The following GNG2 variants were observed in gnomAD, a reference collection of about 807,000 sequenced individuals.
The protein encoded by GNG2 is G protein subunit gamma 2, also known as guanine nucleotide-binding protein G(I)/G(S)/G(O) subunit gamma-2.
In GNG2, 5 loss-of-function variants were observed where a neutral mutation model predicts 5.5. The observed-to-expected ratio is 0.91, with a 90% CI of 0.48 to 1.92. GNG2 has a LOEUF of 1.92. Ranked by LOEUF, GNG2 falls within the 30% of genes most tolerant of loss-of-function variation. The pLI is 0.01. For missense variants in GNG2, 55 were observed against 88.4 expected (o/e 0.62, Z 1.52); for synonymous variants, 28 against 32.0 (o/e 0.88, Z 0.42).
intron 3 of GNG2, among the ~76,000 whole-genome samples, chr14:51,953,944 A>G (rs1404984907): frequency 6.6e-6 from 1 of 152,202 alleles, no homozygotes; most frequent in Non-Finnish European, 1.5e-5. Context: ...GTCTGGCAGA[A>G]CCTACTGCAA....
intron 3 of GNG2, among the ~76,000 whole-genome samples, chr14:51,954,253 T>A (rs971651560): frequency 6.6e-6 from 1 of 152,198 alleles, no homozygotes; most frequent in Non-Finnish European, 1.5e-5. Flanking sequence ...TCTCAGCCTC[T>A]TTGTATTTCT....
At chr14:51,845,557 AT>A in intron 2 of GNG2, among the ~76,000 whole-genome samples, 1 of 152,316 alleles carries the variant, frequency 6.6e-6, no homozygotes, top group East Asian at 1.9e-4. Flanking sequence ...CTTGCCCAGC[AT>A]TTCTCAAAGT....
intron 2 of GNG2, among the ~76,000 whole-genome samples, chr14:51,838,085 T>G (rs764185734): frequency 1.1e-4 from 16 of 152,256 alleles, no homozygotes; most frequent in Non-Finnish European, 2.1e-4. Context: ...TTCCAAGTTT[T>G]GGATAATTGT....
chr14:51,946,268 T>C (rs959790241), intron 2 of GNG2, among the ~76,000 whole-genome samples: 2 of 152,202 alleles, frequency 1.3e-5, no homozygotes, highest in African/African-American at 4.8e-5. Flanking sequence ...GATTGTCTAT[T>C]GTGGACCACG....
At chr14:51,882,942 G>A (rs970533785) in intron 2 of GNG2, among the ~76,000 whole-genome samples, 7 of 150,840 alleles carry the variant, frequency 4.6e-5, no homozygotes, top group Non-Finnish European at 7.4e-5. Flanking sequence ...CCCAGGAGGC[G>A]GAGCTTGCAG....
intron 1 of GNG2, among the ~76,000 whole-genome samples, chr14:51,875,041 T>A (rs1412540502): frequency 2.0e-5 from 3 of 152,238 alleles, no homozygotes; most frequent in South Asian, 4.1e-4. Context: ...TGGCTCCATC[T>A]GTTAATTAAA....
At chr14:51,881,948 T>C (rs1379065552) in intron 2 of GNG2, among the ~76,000 whole-genome samples, 1 of 152,220 alleles carries the variant, frequency 6.6e-6, no homozygotes, top group Non-Finnish European at 1.5e-5. Context: ...CTTTCAATCC[T>C]GGTTTCATTT....
chr14:51,945,140 A>G (rs1389857255), intron 2 of GNG2, among the ~76,000 whole-genome samples: 2 of 152,132 alleles, frequency 1.3e-5, no homozygotes, highest in East Asian at 1.9e-4. Flanking sequence ...AAACAAAAAA[A>G]ACGGAAAATA....
chr14:51,877,807 C>A, intron 2 of GNG2, 150 bp downstream of exon 2: 1 of 213,932 alleles, frequency 4.7e-6, no homozygotes. Flanking sequence ...GACATGACTT[C>A]AGAATTTAAA....
intron 2 of GNG2, among the ~76,000 whole-genome samples, chr14:51,836,932 A>G (rs1040439774): frequency 7.1e-6 from 1 of 141,210 alleles, no homozygotes; most frequent in African/African-American, 2.7e-5. Flanking sequence ...ATCTCGGCTC[A>G]TTGTAACCTC....
intron 1 of GNG2, among the ~76,000 whole-genome samples, chr14:51,876,792 C>A (rs1422724431): frequency 6.6e-6 from 1 of 152,108 alleles, no homozygotes; most frequent in Non-Finnish European, 1.5e-5. Context: ...TCGTTTGGCC[C>A]TAGAACCCCT....
At chr14:51,935,927 G>A (rs569704337) in intron 2 of GNG2, among the ~76,000 whole-genome samples, 30 of 152,228 alleles carry the variant, frequency 2.0e-4, no homozygotes, top group South Asian at 4.2e-4. Context: ...CAGAGTCATG[G>A]TTCAGTGGGT....
chr14:51,886,986 C>G (rs1329060166), intron 2 of GNG2, among the ~76,000 whole-genome samples: 9 of 152,148 alleles, frequency 5.9e-5, no homozygotes, highest in Admixed American at 5.2e-4. Flanking sequence ...TTCCAAAAAG[C>G]GTAGATAACT....
At chr14:51,887,260 A>G (rs766672657) in intron 2 of GNG2, among the ~76,000 whole-genome samples, 7 of 152,208 alleles carry the variant, frequency 4.6e-5, no homozygotes, top group Non-Finnish European at 8.8e-5. Context: ...AGCTTTAGAT[A>G]GCCACCTTCT....
At chr14:51,876,126 A>G (rs1883647039) in intron 1 of GNG2, among the ~76,000 whole-genome samples, 1 of 151,848 alleles carries the variant, frequency 6.6e-6, no homozygotes, top group Non-Finnish European at 1.5e-5. Context: ...TATTGTAGAG[A>G]ATATGTCTCG....
At chr14:51,876,056 G>A (rs1000179355) in intron 1 of GNG2, among the ~76,000 whole-genome samples, 14 of 150,628 alleles carry the variant, frequency 9.3e-5, no homozygotes, top group African/African-American at 3.4e-4. Context: ...TCCCACCTCA[G>A]CCTTCCAAGT....
At chr14:51,927,724 A>G (rs1887413560) in intron 2 of GNG2, among the ~76,000 whole-genome samples, 2 of 152,252 alleles carry the variant, frequency 1.3e-5, no homozygotes, top group African/African-American at 4.8e-5. Context: ...TTGAAAAGAA[A>G]GTAGGCCCAG....
At chr14:51,881,457 G>T (rs1424429335) in intron 2 of GNG2, among the ~76,000 whole-genome samples, 1 of 152,096 alleles carries the variant, frequency 6.6e-6, no homozygotes, top group Admixed American at 6.6e-5. Context: ...GGGTAAAGAC[G>T]CTTGCTGGGC....
chr14:51,839,034 T>C (rs1881413843), intron 2 of GNG2, among the ~76,000 whole-genome samples: 1 of 84,164 alleles, frequency 1.2e-5, no homozygotes, highest in South Asian at 5.8e-4. Context: ...ATTGTCATGA[T>C]TCCATGTATT....
Sources: allele counts gnomAD v4.1 joint callset (sites outside exome capture counted in the v4.1 genomes callset), GRCh38; gene constraint gnomAD v4.1.1; transcripts MANE v1.5; gene names NCBI Gene and HGNC (gene_info 2026-07-23, HGNC 2026-07-21).